Variants in EEFSEC observed in about 807,000 individuals in gnomAD.
EEFSEC encodes the protein selenocysteine-specific elongation factor.
A neutral mutation model predicts 42.1 loss-of-function variants in EEFSEC; 43 were observed. The observed-to-expected ratio is 1.02, with a 90% CI of 0.80 to 1.32. The LOEUF (loss-of-function observed/expected upper bound fraction) is 1.32, where lower values mean the gene tolerates loss of function less well. EEFSEC is among the 40% of genes most tolerant of loss of function. The pLI is 0.00. For missense variants in EEFSEC, 745 were observed against 803.6 expected, an observed-to-expected ratio of 0.93 and a Z score of 0.88; for synonymous variants, 354 against 339.1, an observed-to-expected ratio of 1.04 and a Z score of -0.48.
chr3:128,224,193 C>A (rs34262866), intron 1 of EEFSEC, among the ~76,000 whole-genome samples: 2,673 of 152,278 alleles, frequency 0.018, 45 homozygotes, highest in Non-Finnish European at 0.026. Flanking sequence ...AATGAAGCAC[C>A]ACTCTGTGAC....
At chr3:128,226,151 A>G (rs1452012048) in intron 1 of EEFSEC, among the ~76,000 whole-genome samples, 1 of 152,142 alleles carries the variant, frequency 6.6e-6, no homozygotes, top group Non-Finnish European at 1.5e-5. Context: ...CTGGGAGTAA[A>G]CATTTATTTC....
chr3:128,338,399 G>A lies in EEFSEC; in HGVS notation c.787-2834G>A, dbSNP rs115367282. Among the ~76,000 whole-genome samples the A allele has an allele frequency of 4.0e-3, 608 of 152,218 alleles. 8 individuals carry two copies. Among genetic ancestry groups the A allele is most frequent in the African/African-American group, 0.014 (563 of 41,504 alleles). ...AGGGCAATGAACTCATGGGTGTTTC[G>A]TATATAATTTAAATCTGTCGGCACA... On this transcript the variant is annotated intron_variant, in intron 4 of 6. Transcript: ENST00000254730.
intron 2 of EEFSEC, among the ~76,000 whole-genome samples, chr3:128,256,038 G>C (rs1456705849): frequency 6.6e-6 from 1 of 152,134 alleles, no homozygotes; most frequent in Non-Finnish European, 1.5e-5. Context: ...GTATTATTCA[G>C]AGTGAGGGAC....
At chr3:128,196,844 C>G (rs1461788806) in intron 1 of EEFSEC, among the ~76,000 whole-genome samples, 1 of 152,192 alleles carries the variant, frequency 6.6e-6, no homozygotes, top group South Asian at 2.1e-4. Flanking sequence ...CTCAAAGAGC[C>G]TCGCACAGTG....
chr3:128,230,052 TCTTTC>T (rs528177013), intron 1 of EEFSEC, among the ~76,000 whole-genome samples: 317 of 152,156 alleles, frequency 2.1e-3, no homozygotes, highest in African/African-American at 7.2e-3. Flanking sequence ...TCTTTTCCTT[TCTTTC>T]CTTTCCTTTT....
At chr3:128,400,704 G>A (rs2068038854) in intron 6 of EEFSEC, among the ~76,000 whole-genome samples, 1 of 152,242 alleles carries the variant, frequency 6.6e-6, no homozygotes, top group Admixed American at 6.5e-5. Context: ...CTTCCAGTCT[G>A]GCCCCCAACA....
chr3:128,356,058 G>A (rs531057996), intron 5 of EEFSEC, among the ~76,000 whole-genome samples: 25 of 152,338 alleles, frequency 1.6e-4, no homozygotes, highest in African/African-American at 5.1e-4. Context: ...CAAAGGCTGT[G>A]GGCTGTGAGA....
chr3:128,329,407 G>GCCCCACCCCC (rs1553755766), intron 4 of EEFSEC, among the ~76,000 whole-genome samples: 2 of 141,288 alleles, frequency 1.4e-5, no homozygotes, highest in African/African-American at 5.6e-5. Flanking sequence ...GTGCCACCCA[G>GCCCCACCCCC]CCCCACCCCC....
Position 128,160,833 on chromosome 3 carries a change from A to C in EEFSEC, c.316+7010A>C, listed in dbSNP as rs72985507. ...ACACACACACACACACACGAATCCT[A>C]TCTTAACTTAGAGAAAATTGGGTTT... On this transcript the variant is annotated intron_variant, in intron 1 of 6. Transcript: ENST00000254730. 2.0e-3 allele frequency among the ~76,000 whole-genome samples: 299 copies of C among 152,196 alleles called. 1 individual carries two copies. The highest frequency in any genetic ancestry group is 6.8e-3 in the African/African-American group (283 of 41,530).
chr3:128,388,032 T>TG (rs1217922119), intron 6 of EEFSEC, among the ~76,000 whole-genome samples: 1 of 152,194 alleles, frequency 6.6e-6, no homozygotes, highest in Non-Finnish European at 1.5e-5. Context: ...GGAGGCCTAG[T>TG]GGCCCAGCCA....
In EEFSEC at chr3:128,275,391, G is replaced by A. The variant is rs2066457629; in HGVS notation, c.786+10610G>A. On this transcript the variant is annotated intron_variant, in intron 4 of 6. Coordinates refer to ENST00000254730, the MANE Select transcript of EEFSEC (RefSeq NM_021937.5). ...CAAGCTCTGATTCAGATGAAAGTGT[G>A]GCCATGCAGGGCTGTGTGACCTCAG... Among the ~76,000 whole-genome samples the A allele has an allele frequency of 2.0e-5, 3 of 152,220 alleles. 1 individual carries two copies. Among genetic ancestry groups the A allele is most frequent in the Admixed American group, 2.0e-4 (3 of 15,278 alleles).
chr3:128,352,197 A>G (rs1399400170), intron 5 of EEFSEC, among the ~76,000 whole-genome samples: 1 of 152,188 alleles, frequency 6.6e-6, no homozygotes, highest in Admixed American at 6.5e-5. Flanking sequence ...CTCAGGACAG[A>G]TCATGACCCC....
At chr3:128,326,887 C>T (rs1236003732) in intron 4 of EEFSEC, among the ~76,000 whole-genome samples, 2 of 152,186 alleles carry the variant, frequency 1.3e-5, no homozygotes, top group African/African-American at 2.4e-5. Flanking sequence ...TAGAGGAGAT[C>T]CTGTTAATTC....
intron 1 of EEFSEC, among the ~76,000 whole-genome samples, chr3:128,227,148 C>T (rs2107858430): frequency 6.6e-6 from 1 of 152,344 alleles, no homozygotes; most frequent in African/African-American, 2.4e-5. Context: ...CTTCTTCAGT[C>T]CCTCTGTCTC....
chr3:128,245,536 G>A (rs2066118224), intron 1 of EEFSEC, among the ~76,000 whole-genome samples: 1 of 152,198 alleles, frequency 6.6e-6, no homozygotes, highest in South Asian at 2.1e-4. Flanking sequence ...AGACAGGAGG[G>A]TTGGGGCATG....
At chr3:128,218,565 T>C (rs1475504003) in intron 1 of EEFSEC, among the ~76,000 whole-genome samples, 1 of 152,224 alleles carries the variant, frequency 6.6e-6, no homozygotes, top group Non-Finnish European at 1.5e-5. Context: ...ATTCAGACAT[T>C]CCTTTGGTAT....
chr3:128,318,420 G>A (rs1174326095), intron 4 of EEFSEC, among the ~76,000 whole-genome samples: 1 of 152,172 alleles, frequency 6.6e-6, no homozygotes, highest in Non-Finnish European at 1.5e-5. Context: ...TCTGCCAGCT[G>A]CCAGCAGGCA....
chr3:128,347,040 C>T (rs555501294), intron 5 of EEFSEC, among the ~76,000 whole-genome samples: 39 of 152,212 alleles, frequency 2.6e-4, no homozygotes, highest in African/African-American at 9.1e-4. Flanking sequence ...GAGCACCCTG[C>T]GAGGAAAATG....
chr3:128,333,903 C>T lies in EEFSEC; in HGVS notation c.787-7330C>T, dbSNP rs576031290. ...TCGAAAAGCCAGAAGGAGTATCGAG[C>T]TCATCGGGCCTGGGAGCAGTCAGAA... On this transcript the variant is annotated intron_variant, in intron 4 of 6. Transcript: ENST00000254730. 1.6e-4 allele frequency among the ~76,000 whole-genome samples: 24 copies of T among 152,320 alleles called. No individual in the cohort carries two copies. In the East Asian group the frequency reaches 4.6e-3, roughly 29 times the overall value.
Sources: allele counts gnomAD v4.1 joint callset (sites outside exome capture counted in the v4.1 genomes callset), GRCh38; gene constraint gnomAD v4.1.1; transcripts MANE v1.5; gene names NCBI Gene and HGNC (gene_info 2026-07-23, HGNC 2026-07-21).